The following MBTPS1 variants were observed in gnomAD, a reference collection of about 807,000 sequenced individuals.
MBTPS1 encodes membrane bound transcription factor peptidase, site 1, also known as membrane-bound transcription factor site-1 protease.
In MBTPS1, 94 loss-of-function variants were observed where a neutral mutation model predicts 127.8. The ratio of observed to expected loss-of-function variants is 0.74; its 90% confidence interval spans 0.62 to 0.87. The LOEUF (loss-of-function observed/expected upper bound fraction) is 0.87. MBTPS1 is among the 40% of genes least tolerant of loss of function. The probability of loss-of-function intolerance (pLI) is 0.00; values close to 1 mark genes in which losing one functional copy is unlikely to be tolerated. For missense variants in MBTPS1, 1,636 were observed against 1,353.2 expected (o/e 1.21, Z -3.28); for synonymous variants, 632 against 509.4 (o/e 1.24, Z -3.24).
intron 3 of MBTPS1, 54 bp downstream of exon 3, chr16:84,098,999 G>A (rs2086216769): frequency 6.6e-7 from 1 of 1,511,304 alleles, no homozygotes; most frequent in Non-Finnish European, 9.0e-7. Flanking sequence ...TCTGCAGTTT[G>A]AGATTTTCAA....
intron 10 of MBTPS1, among the ~76,000 whole-genome samples, chr16:84,082,712 T>C (rs1020657835): frequency 6.6e-6 from 1 of 152,214 alleles, no homozygotes; most frequent in Non-Finnish European, 1.5e-5. Context: ...TGTTGGAGTC[T>C]AGGCAGGTTT....
chr16:84,114,742 A>G (rs1440378975), intron 1 of MBTPS1, among the ~76,000 whole-genome samples: 1 of 151,246 alleles, frequency 6.6e-6, no homozygotes, highest in Admixed American at 6.6e-5. Flanking sequence ...AGGCAGGAGA[A>G]TCGCTTGAAC....
At chr16:84,060,837 A>C (rs757994547) in intron 19 of MBTPS1, 24 bp from the exon 20 acceptor site, 2 of 1,540,740 alleles carry the variant, frequency 1.3e-6, no homozygotes, top group South Asian at 2.5e-5. Flanking sequence ...AAGCCTGTTT[A>C]GGAATTCCTT....
chr16:84,095,932 TA>T, intron 3 of MBTPS1, 127 bp from the exon 4 acceptor site: 1 of 689,326 alleles, frequency 1.5e-6, no homozygotes, highest in Non-Finnish European at 2.5e-6. Context: ...AAAGTGGGAT[TA>T]TCTTCTTTTT....
At chr16:84,068,553 G>C in intron 14 of MBTPS1, 99 bp from the exon 15 acceptor site, 1 of 806,934 alleles carries the variant, frequency 1.2e-6, no homozygotes. Context: ...ACCATGCCAT[G>C]GCCCACAGAG....
intron 1 of MBTPS1, among the ~76,000 whole-genome samples, chr16:84,104,138 A>C (rs1394058277): frequency 6.6e-6 from 1 of 152,224 alleles, no homozygotes; most frequent in African/African-American, 2.4e-5. Flanking sequence ...GAAGAAGATA[A>C]AAGCCAGTAA....
At chr16:84,070,474 A>G in intron 13 of MBTPS1, 114 bp downstream of exon 13, 1 of 1,064,790 alleles carries the variant, frequency 9.4e-7, no homozygotes, top group Non-Finnish European at 1.4e-6. Flanking sequence ...CATCGAGGAT[A>G]AGCCTATCTG....
chr16:84,107,204 A>T (rs1282831488), intron 1 of MBTPS1, among the ~76,000 whole-genome samples: 1 of 152,200 alleles, frequency 6.6e-6, no homozygotes, highest in African/African-American at 2.4e-5. Flanking sequence ...AGCTGAAGAG[A>T]CAGAGACCAC....
chr16:84,092,990 C>A (rs551938995), intron 6 of MBTPS1, among the ~76,000 whole-genome samples, 198 bp downstream of exon 6: 1 of 152,112 alleles, frequency 6.6e-6, no homozygotes, highest in African/African-American at 2.4e-5. Context: ...CAACTTAGGT[C>A]GACACAGTGG....
Position 84,059,317 on chromosome 16 carries a change from T to G in MBTPS1, c.2816A>C (p.Asn939Thr), listed in dbSNP as rs2085571183. The change falls in exon 21 of 23, where the codon AAC becomes ACC. Residue 939 changes from asparagine to threonine, a missense_variant. Physicochemically the swap from Asn to Thr is moderately conservative, Grantham distance 65. Transcript: ENST00000343411. ...GGACACTAACCTGGGCGCCGTCTCG[T>G]TTAAAGGCTGTGGCTTGGCCCAAGA... is the stretch of plus-strand genomic sequence containing the variant. ...RLSWAKPQPL[N>T]ETAPSNLWKH... 3 of 1,613,546 alleles carry G rather than the reference T, an allele frequency of 1.9e-6. No individual in the cohort carries two copies. The highest frequency in any genetic ancestry group is 3.3e-5 in the Admixed American group (2 of 59,970).
intron 22 of MBTPS1, among the ~76,000 whole-genome samples, chr16:84,054,851 T>G (rs923887872): frequency 7.2e-5 from 11 of 152,166 alleles, no homozygotes; most frequent in African/African-American, 2.7e-4. Context: ...AGCCACTTCC[T>G]GTGGGGTGGA....
intron 20 of MBTPS1, 96 bp downstream of exon 20, chr16:84,060,586 G>A: frequency 1.4e-6 from 2 of 1,409,068 alleles, no homozygotes; most frequent in Non-Finnish European, 1.9e-6. Flanking sequence ...CACACAAACT[G>A]GCCCCACTTG....
At chr16:84,061,812 C>T (rs1490329124) in intron 19 of MBTPS1, among the ~76,000 whole-genome samples, 1 of 152,170 alleles carries the variant, frequency 6.6e-6, no homozygotes, top group Non-Finnish European at 1.5e-5. Flanking sequence ...CTTCTGTTTC[C>T]ATCTTGTTTC....
intron 10 of MBTPS1, among the ~76,000 whole-genome samples, chr16:84,082,789 T>G (rs1335385055): frequency 6.6e-6 from 1 of 152,154 alleles, no homozygotes; most frequent in Non-Finnish European, 1.5e-5. Context: ...AGAAAAGAAG[T>G]GCTCAAAGCT....
chr16:84,092,919 A>C (rs1257147685), intron 6 of MBTPS1, among the ~76,000 whole-genome samples: 3 of 152,212 alleles, frequency 2.0e-5, no homozygotes, highest in Non-Finnish European at 4.4e-5. Flanking sequence ...GGAGGTAGAG[A>C]AGAAACAAGG....
chr16:84,062,656 G>C (rs1294753110), intron 19 of MBTPS1, among the ~76,000 whole-genome samples: 1 of 152,040 alleles, frequency 6.6e-6, no homozygotes, highest in Middle Eastern at 3.2e-3. Flanking sequence ...TAAAAACATG[G>C]AGCACTTTTA....
chr16:84,071,536 A>G (rs1015728666), intron 12 of MBTPS1, among the ~76,000 whole-genome samples: 1 of 152,254 alleles, frequency 6.6e-6, no homozygotes, highest in Non-Finnish European at 1.5e-5. Context: ...TCTTGGAGCC[A>G]CTGGTTCCCA....
chr16:84,086,824 G>C (rs149495099), intron 9 of MBTPS1, among the ~76,000 whole-genome samples: 63 of 152,216 alleles, frequency 4.1e-4, no homozygotes, highest in African/African-American at 1.2e-3. Context: ...GGTAAAGGTG[G>C]GTGAATGTGC....
At chr16:84,109,424 A>G (rs1198637270) in intron 1 of MBTPS1, 3 of 152,238 alleles carry the variant, frequency 2.0e-5, no homozygotes, top group African/African-American at 7.2e-5. Flanking sequence ...TGCCAACAAA[A>G]TATCTCTTTT....
Sources: gnomAD v4.1 joint callset for allele counts (sites outside exome capture counted in the v4.1 genomes callset) on GRCh38, gnomAD v4.1.1 for gene constraint, MANE v1.5 for transcripts, NCBI Gene and HGNC (gene_info 2026-07-23, HGNC 2026-07-21) for gene names.